The following ZCCHC14 variants were observed in gnomAD, a reference collection of about 807,000 sequenced individuals.
ZCCHC14 encodes the protein zinc finger CCHC domain-containing protein 14.
A neutral mutation model predicts 85.0 loss-of-function variants in ZCCHC14; 16 were observed. The ratio of observed to expected loss-of-function variants is 0.19; its 90% CI spans 0.13 to 0.29. The LOEUF is 0.29. Ranked by LOEUF, ZCCHC14 falls within the 10% of genes least tolerant of loss-of-function variation. ZCCHC14 has a pLI of 1.00. For synonymous variants in ZCCHC14, 775 were observed against 630.7 expected (o/e 1.23, Z -3.43); for missense variants, 1,303 against 1,443.5 (o/e 0.90, Z 1.58).
At chr16:87,446,707 TG>T (rs917783302) in intron 2 of ZCCHC14, among the ~76,000 whole-genome samples, 20 of 152,078 alleles carry the variant, frequency 1.3e-4, no homozygotes, top group African/African-American at 4.8e-4. Context: ...CTTTTTTTTT[TG>T]AGATAGAGTT....
At chr16:87,487,771 G>A (rs1403242838) in intron 1 of ZCCHC14, among the ~76,000 whole-genome samples, 5 of 152,246 alleles carry the variant, frequency 3.3e-5, no homozygotes, top group Admixed American at 2.0e-4. Flanking sequence ...AGCACAGCTC[G>A]GCCTCTTCAC....
chr16:87,453,397 T>C (rs968738229), intron 2 of ZCCHC14, among the ~76,000 whole-genome samples: 4 of 152,208 alleles, frequency 2.6e-5, no homozygotes, highest in African/African-American at 9.6e-5. Flanking sequence ...CCGCAGAACA[T>C]GGGAGGGTGC....
At chr16:87,468,245 G>A (rs1028532486) in intron 1 of ZCCHC14, among the ~76,000 whole-genome samples, 6 of 152,176 alleles carry the variant, frequency 3.9e-5, no homozygotes, top group Non-Finnish European at 7.4e-5. Flanking sequence ...AACCATTTCA[G>A]GTTTCTTCCT....
At chr16:87,475,859 C>T (rs973456831) in intron 1 of ZCCHC14, among the ~76,000 whole-genome samples, 3 of 152,012 alleles carry the variant, frequency 2.0e-5, no homozygotes, top group African/African-American at 4.8e-5. Context: ...CTGAAAATTT[C>T]CCACAGCTGG....
At chr16:87,442,718 G>A (rs1413588516) in intron 2 of ZCCHC14, among the ~76,000 whole-genome samples, 1 of 152,138 alleles carries the variant, frequency 6.6e-6, no homozygotes, top group African/African-American at 2.4e-5. Flanking sequence ...CACGTCATAA[G>A]CACAATGCTA....
rs1284339537 is a variant in ZCCHC14 at position 87,492,303 on chromosome 16, G to T, written c.-65C>A. 2 of 885,798 alleles carry T rather than the reference G, an allele frequency of 2.3e-6. No individual in the cohort carries two copies. Among genetic ancestry groups the T allele is most frequent in the East Asian group, 2.4e-4 (2 of 8,184 alleles). The allele number at this position is 885,798 out of a possible 1,614,324, so 54.9% of individuals were successfully genotyped here. A position where few individuals can be genotyped will look rare whatever the true frequency, so the allele number is the denominator to read the frequency against. On this transcript the variant is annotated 5_prime_UTR_variant, in exon 1 of 13. Transcript: ENST00000671377. This position sits in a 1 kb window ranked among gnomAD's most constrained non-coding sequence, Gnocchi z 6.7. ...CGCGCGGGGGCGGCCGGGGGGCGCC[G>T]GGGGCCGCGGCCGGGGCGCGCCGGG...
chr16:87,431,487 A>AG (rs1875629117), intron 3 of ZCCHC14, among the ~76,000 whole-genome samples: 2 of 151,760 alleles, frequency 1.3e-5, no homozygotes, highest in East Asian at 1.9e-4. Context: ...AAAAAAAAAA[A>AG]AAAAGAAAAG....
At chr16:87,470,064 G>A (rs1911710240) in intron 1 of ZCCHC14, among the ~76,000 whole-genome samples, 1 of 152,068 alleles carries the variant, frequency 6.6e-6, no homozygotes, top group East Asian at 1.9e-4. Context: ...CAGGAGCAGT[G>A]GTTCACACCT....
At chr16:87,468,059 T>C (rs1028037305) in intron 1 of ZCCHC14, among the ~76,000 whole-genome samples, 2 of 152,240 alleles carry the variant, frequency 1.3e-5, no homozygotes, top group African/African-American at 4.8e-5. Context: ...CTAATGGCTA[T>C]TTCAAGGTAA....
Position 87,479,462 on chromosome 16 carries a change from AT to A in ZCCHC14, c.570+12206del, listed in dbSNP as rs547667821. ...CTAAGGATATAATTTCTTTCTGGTA[AT>A]TCTATTGATGCTTTTATGCAAATGT... On this transcript the variant is annotated intron_variant, in intron 1 of 12. Transcript: ENST00000671377. 2.6e-5 allele frequency among the ~76,000 whole-genome samples: 4 copies of A among 152,056 alleles called. No homozygotes were observed. The South Asian group carries it at 8.3e-4, about 32-fold the overall frequency.
At chr16:87,457,028 G>A (rs1260532443) in intron 2 of ZCCHC14, among the ~76,000 whole-genome samples, 2 of 152,156 alleles carry the variant, frequency 1.3e-5, no homozygotes, top group Non-Finnish European at 2.9e-5. Context: ...GCTTCCCTAA[G>A]TTTCAGTAAA....
At chr16:87,433,302 A>C in intron 2 of ZCCHC14, 101 bp from the exon 3 acceptor site, 1 of 1,128,504 alleles carries the variant, frequency 8.9e-7, no homozygotes, top group Non-Finnish European at 1.3e-6. Flanking sequence ...CCAGGTTCTC[A>C]GCACCCAAGG....
In ZCCHC14 at chr16:87,491,990, C is replaced by T. The variant is rs1324401651; in HGVS notation, c.249G>A (p.Val83=). ...CCAGCGACACCAGCAGCTTGCTGCG[C>T]ACCACCTCGTCCGTCAGGTTGGTGA... is the stretch of plus-strand genomic sequence containing the variant. The part of the protein sequence containing the change: ...GSLTNLTDEV[V]RSKLLVSLAL... The change falls in exon 1 of 13, where the codon GTG becomes GTA. Residue 83 remains valine (V), a synonymous_variant. Coordinates refer to ENST00000671377, the MANE Select transcript of ZCCHC14 (RefSeq NM_015144.3). The surrounding 1 kb of genome is among the most constrained non-coding windows in gnomAD (Gnocchi z 5.9). 2.2e-6 allele frequency: 3 copies of T among 1,395,170 alleles called. No individual in the cohort carries two copies. Among genetic ancestry groups the T allele is most frequent in the Non-Finnish European group, 9.3e-7 (1 of 1,078,782 alleles). The allele number at this position is 1,395,170 out of a possible 1,614,324, so 86.4% of individuals were successfully genotyped here. A position where few individuals can be genotyped will look rare whatever the true frequency, so the allele number is the denominator to read the frequency against.
chr16:87,477,739 G>T (rs929506674), intron 1 of ZCCHC14, among the ~76,000 whole-genome samples: 17 of 152,100 alleles, frequency 1.1e-4, no homozygotes, highest in African/African-American at 3.6e-4. Flanking sequence ...GCAGCCTCCT[G>T]CACCTGGGGA....
chr16:87,469,573 T>C (rs1016720215), intron 1 of ZCCHC14, among the ~76,000 whole-genome samples: 8 of 152,232 alleles, frequency 5.3e-5, no homozygotes, highest in African/African-American at 1.9e-4. Context: ...CCTAAGGCTT[T>C]TGTGAGAATT....
intron 2 of ZCCHC14, among the ~76,000 whole-genome samples, chr16:87,450,951 C>T (rs1471799134): frequency 1.3e-5 from 2 of 151,092 alleles, no homozygotes; most frequent in Non-Finnish European, 3.0e-5. Flanking sequence ...CAAGCTGGAG[C>T]GTAATGGCAC....
chr16:87,437,549 A>G (rs1486951303), intron 2 of ZCCHC14, among the ~76,000 whole-genome samples: 1 of 152,202 alleles, frequency 6.6e-6, no homozygotes, highest in Non-Finnish European at 1.5e-5. Flanking sequence ...GAGGCTGGTC[A>G]GCACCGCACC....
chr16:87,471,596 G>C (rs561499005), intron 1 of ZCCHC14: 1 of 152,266 alleles, frequency 6.6e-6, no homozygotes, highest in East Asian at 1.9e-4. Context: ...GCCCACCCGC[G>C]GGGGCTTCCA....
chr16:87,456,533 C>CA lies in ZCCHC14; in HGVS notation c.694+3474dup, dbSNP rs60817141. 3.7e-3 allele frequency among the ~76,000 whole-genome samples: 235 copies of CA among 63,340 alleles called. 10 individuals are homozygous for CA. The highest frequency in any genetic ancestry group is 0.014 in the African/African-American group (225 of 16,412). 41.6% of individuals were successfully genotyped at this position (63,340 alleles called of 152,430 possible). On this transcript the variant is annotated intron_variant, in intron 2 of 12. Coordinates refer to ENST00000671377, the MANE Select transcript of ZCCHC14 (RefSeq NM_015144.3). ...GGGCGACAGAGCAAGACTCTGTCTC[C>CA]AAAAAAAAAAAAAAAAAAAAAAAAA...
Sources: gnomAD v4.1 joint callset for allele counts (sites outside exome capture counted in the v4.1 genomes callset) on GRCh38, gnomAD v4.1.1 for gene constraint, Gnocchi (gnomAD v3.1) non-coding constraint, MANE v1.5 for transcripts, NCBI Gene and HGNC (gene_info 2026-07-23, HGNC 2026-07-21) for gene names.